Variants in AFF3 observed in about 807,000 individuals in gnomAD.
AFF3 encodes the protein AF4/FMR2 family member 3.
A neutral mutation model predicts 129.7 loss-of-function variants in AFF3; 32 were observed. The observed-to-expected ratio is 0.25, with a 90% CI of 0.19 to 0.33. The LOEUF (loss-of-function observed/expected upper bound fraction) is 0.33, where lower values mean the gene tolerates loss of function less well. Among genes scored for constraint, AFF3 ranks in the 10% least tolerant of loss-of-function variants. AFF3 has a pLI of 1.00. For synonymous variants in AFF3, 644 were observed against 635.4 expected (o/e 1.01, Z -0.20); for missense variants, 1,373 against 1,592.0 (o/e 0.86, Z 2.34).
At chr2:99,743,705 T>A (rs1005871167) in intron 10 of AFF3, among the ~76,000 whole-genome samples, 7 of 152,200 alleles carry the variant, frequency 4.6e-5, no homozygotes, top group African/African-American at 1.4e-4. Context: ...CTTTTCTTCA[T>A]GGATTCTAAG....
intron 8 of AFF3, among the ~76,000 whole-genome samples, chr2:99,782,738 T>C (rs539249695): frequency 1.3e-5 from 2 of 152,350 alleles, no homozygotes; most frequent in East Asian, 1.9e-4. Flanking sequence ...GCAGTGTTCA[T>C]GGCAAACTCA....
At chr2:99,679,938 C>T (rs1674368028) in intron 11 of AFF3, among the ~76,000 whole-genome samples, 1 of 152,188 alleles carries the variant, frequency 6.6e-6, no homozygotes, top group Non-Finnish European at 1.5e-5. Flanking sequence ...TCAGCACATT[C>T]TAGGTGCTAG....
At chr2:99,634,817 G>T (rs569923801) in intron 13 of AFF3, among the ~76,000 whole-genome samples, 104 of 151,832 alleles carry the variant, frequency 6.8e-4, no homozygotes, top group African/African-American at 2.3e-3. Flanking sequence ...TCCTTGGATA[G>T]AACAGAACTA....
intron 10 of AFF3, among the ~76,000 whole-genome samples, chr2:99,733,155 G>T (rs1179782631): frequency 6.6e-6 from 1 of 151,804 alleles, no homozygotes; most frequent in Non-Finnish European, 1.5e-5. Flanking sequence ...CGAGGCAGGC[G>T]GATCATGAGG....
intron 11 of AFF3, among the ~76,000 whole-genome samples, chr2:99,683,397 C>A (rs1674716300): frequency 6.6e-6 from 1 of 152,146 alleles, no homozygotes; most frequent in African/African-American, 2.4e-5. Context: ...ATTACCCATT[C>A]CATCTCGTGA....
chr2:99,822,463 TTTTCA>T (rs1687763190), intron 8 of AFF3, among the ~76,000 whole-genome samples: 1 of 152,196 alleles, frequency 6.6e-6, no homozygotes, highest in African/African-American at 2.4e-5. Flanking sequence ...AGCCACTGCC[TTTTCA>T]TTTCATTTTC....
intron 4 of AFF3, among the ~76,000 whole-genome samples, chr2:100,076,143 A>G (rs1468166690): frequency 6.6e-6 from 1 of 152,220 alleles, no homozygotes; most frequent in East Asian, 1.9e-4. Context: ...GATGCAGAGC[A>G]GCTGGTGTTC....
chr2:100,138,713 G>T (rs376741266), intron 1 of AFF3, among the ~76,000 whole-genome samples: 1 of 152,028 alleles, frequency 6.6e-6, no homozygotes, highest in South Asian at 2.1e-4. Flanking sequence ...GGAGGCCAAC[G>T]GGGGGCGCAT....
chr2:99,996,966 T>C (rs770148885), intron 7 of AFF3, among the ~76,000 whole-genome samples: 16 of 152,112 alleles, frequency 1.1e-4, no homozygotes, highest in Non-Finnish European at 2.1e-4. Context: ...AGCTATACTC[T>C]ACGTTTTCTT....
chr2:99,904,887 G>T (rs984420204), intron 7 of AFF3, among the ~76,000 whole-genome samples: 12 of 152,042 alleles, frequency 7.9e-5, no homozygotes, highest in Admixed American at 2.0e-4. Context: ...CATATTGCTG[G>T]TGCTTGCAGC....
rs542406870 is a variant in AFF3, at chr2:99,677,417, G to A, written c.1092-4828C>T. On this transcript the variant is annotated intron_variant, in intron 11 of 24. Transcript: ENST00000672756. ...ACAGTAGAGTCTGAACCAGCTACATGAGAACTGTGACACTTTAAGGACAGA... is the reference window on the plus strand; with the variant it reads ...ACAGTAGAGTCTGAACCAGCTACATAAGAACTGTGACACTTTAAGGACAGA... Among the ~76,000 whole-genome samples, 8 of 152,308 alleles carry A rather than the reference G, an allele frequency of 5.3e-5. No homozygotes were observed. The East Asian group carries it at 1.5e-3, about 29-fold the overall frequency.
chr2:100,020,520 T>G (rs1387616304), intron 4 of AFF3, among the ~76,000 whole-genome samples: 1 of 152,116 alleles, frequency 6.6e-6, no homozygotes, highest in Non-Finnish European at 1.5e-5. Flanking sequence ...ATAGACAGCC[T>G]GCATGTCCAG....
intron 7 of AFF3, among the ~76,000 whole-genome samples, chr2:99,976,131 G>T (rs1678867245): frequency 6.6e-6 from 1 of 151,926 alleles, no homozygotes; most frequent in Non-Finnish European, 1.5e-5. Context: ...TAGATATTAA[G>T]GATTTCTGGT....
At chr2:100,050,508 T>C (rs1252246612) in intron 4 of AFF3, among the ~76,000 whole-genome samples, 3 of 152,044 alleles carry the variant, frequency 2.0e-5, no homozygotes, top group African/African-American at 4.8e-5. Flanking sequence ...AGATGTTTCT[T>C]GTATAAAGAC....
At chr2:100,122,804 A>G (rs951143008) in intron 2 of AFF3, among the ~76,000 whole-genome samples, 1 of 152,240 alleles carries the variant, frequency 6.6e-6, no homozygotes, top group Non-Finnish European at 1.5e-5. Flanking sequence ...CATACTGGCA[A>G]TGAGAGACTC....
intron 7 of AFF3, among the ~76,000 whole-genome samples, chr2:99,847,732 C>G (rs1369415978): frequency 3.9e-5 from 6 of 151,970 alleles, no homozygotes; most frequent in African/African-American, 1.5e-4. Context: ...AACGTCTCAG[C>G]AGTGACTGCT....
chr2:100,006,753 A>G lies in AFF3; in HGVS notation c.752T>C (p.Leu251Pro), dbSNP rs1682010297. The G allele has an allele frequency of 6.2e-7, 1 of 1,614,116 alleles. No homozygotes were observed. Among genetic ancestry groups the G allele is most frequent in the Non-Finnish European group, 8.5e-7 (1 of 1,180,050 alleles). Residue 251 changes from leucine (L) to proline (P), a missense_variant, in exon 7 of 25, where the codon CTG becomes CCG. This residue lies in a region of AFF3 where 413 missense variants were observed against 424.4 expected (regional missense o/e 0.97). Coordinates refer to ENST00000672756, the MANE Select transcript of AFF3 (RefSeq NM_001386135.1). ...QDQAPDESPKLKSSSETSVHC... is the reference protein window; with the variant it reads ...QDQAPDESPKPKSSSETSVHC... ...CACGCTGGTTTCCGAAGACGACTTC[A>G]GCTTAGGAGACTCATCAGGGGCCTG...
chr2:99,613,189 A>G (rs934234604), intron 13 of AFF3, among the ~76,000 whole-genome samples: 7 of 152,174 alleles, frequency 4.6e-5, no homozygotes, highest in African/African-American at 1.4e-4. Context: ...TTACATTTAC[A>G]TATTTTACAT....
chr2:100,001,573 C>T (rs888779215), intron 7 of AFF3, among the ~76,000 whole-genome samples: 2 of 152,282 alleles, frequency 1.3e-5, no homozygotes, highest in Middle Eastern at 3.4e-3. Context: ...GGATTACAGG[C>T]ATGCGCCACC....
Sources: gnomAD v4.1 joint callset for allele counts (sites outside exome capture counted in the v4.1 genomes callset) on GRCh38, gnomAD v4.1.1 for gene constraint, gnomAD v4.1.1 regional missense constraint, MANE v1.5 for transcripts, NCBI Gene and HGNC (gene_info 2026-07-23, HGNC 2026-07-21) for gene names.